SH3RF3: variants seen among roughly 807,000 people sequenced by gnomAD.
SH3RF3 encodes SH3 domain containing ring finger 3, also known as E3 ubiquitin-protein ligase SH3RF3.
In SH3RF3, 29 loss-of-function variants were observed where a neutral mutation model predicts 66.3. That is an observed-to-expected ratio of 0.44 (90% CI 0.33 to 0.60). SH3RF3 has a LOEUF of 0.60. SH3RF3 is among the 20% of genes least tolerant of loss of function. The pLI, the probability that SH3RF3 is intolerant of heterozygous loss-of-function variation, is 0.04. For synonymous variants in SH3RF3, 583 were observed against 532.0 expected, an observed-to-expected ratio of 1.10 and a Z score of -1.32; for missense variants, 1,194 against 1,190.9, an observed-to-expected ratio of 1.00 and a Z score of -0.04.
intron 1 of SH3RF3, among the ~76,000 whole-genome samples, chr2:109,318,499 A>C (rs1681940061): frequency 1.3e-5 from 2 of 152,212 alleles, no homozygotes; most frequent in South Asian, 4.1e-4. Flanking sequence ...ATCATAGCAC[A>C]ATCATTTTGG....
chr2:109,174,508 G>A (rs1677873247), intron 1 of SH3RF3, among the ~76,000 whole-genome samples: 2 of 152,202 alleles, frequency 1.3e-5, no homozygotes, highest in Non-Finnish European at 2.9e-5. Context: ...GCCCAGCCAG[G>A]GCAACGGGCA....
Position 109,502,119 on chromosome 2 carries a change from G to T in SH3RF3, c.*448G>T, listed in dbSNP as rs540839126. The T allele has an allele frequency of 1.8e-5, 3 of 166,356 alleles. No individual in the cohort carries two copies. Among genetic ancestry groups the T allele is most frequent in the African/African-American group, 7.1e-5 (3 of 42,172 alleles). The allele number at this position is 166,356 out of a possible 1,614,324, so 10.3% of individuals were successfully genotyped here. A position where few individuals can be genotyped will look rare whatever the true frequency, so the allele number is the denominator to read the frequency against. On this transcript the variant is annotated 3_prime_UTR_variant, in exon 10 of 10. Transcript: ENST00000309415. The stretch of plus-strand genomic sequence containing the variant: ...GCCCTGGGCTTCCCGCGGGGCCCAG[G>T]TTGCTCTGTCACCATTCTATATACC...
chr2:109,397,926 T>C (rs1477554134), intron 3 of SH3RF3, among the ~76,000 whole-genome samples: 3 of 152,186 alleles, frequency 2.0e-5, no homozygotes, highest in Non-Finnish European at 4.4e-5. Context: ...CAATGGGAGA[T>C]GTGGGAAGGA....
intron 8 of SH3RF3, among the ~76,000 whole-genome samples, chr2:109,470,930 A>G (rs567310546): frequency 6.6e-6 from 1 of 152,332 alleles, no homozygotes; most frequent in Non-Finnish European, 1.5e-5. Context: ...AAGAAATACC[A>G]GAGACTAGGC....
At chr2:109,229,743 T>C (rs898845854) in intron 1 of SH3RF3, among the ~76,000 whole-genome samples, 2 of 152,200 alleles carry the variant, frequency 1.3e-5, no homozygotes, top group African/African-American at 2.4e-5. Context: ...ATTTGTCCTT[T>C]GTGTCTGGCA....
intron 1 of SH3RF3, among the ~76,000 whole-genome samples, chr2:109,336,508 T>C (rs1397519393): frequency 1.3e-5 from 2 of 152,146 alleles, no homozygotes; most frequent in Non-Finnish European, 2.9e-5. Flanking sequence ...GAGGACTCGC[T>C]GTGAGGCCCC....
chr2:109,349,412 C>T (rs1682792762), intron 2 of SH3RF3, among the ~76,000 whole-genome samples: 1 of 152,208 alleles, frequency 6.6e-6, no homozygotes, highest in South Asian at 2.1e-4. Context: ...CTCCCTCCCT[C>T]CCCACTCAGT....
chr2:109,466,953 CTG>C (rs1678366691), intron 8 of SH3RF3, among the ~76,000 whole-genome samples: 1 of 151,848 alleles, frequency 6.6e-6, no homozygotes, highest in South Asian at 2.1e-4. Flanking sequence ...GTCTATATAT[CTG>C]TGTGCATGTG....
At chr2:109,318,070 T>C in intron 1 of SH3RF3, among the ~76,000 whole-genome samples, 1 of 147,458 alleles carries the variant, frequency 6.8e-6, no homozygotes, top group South Asian at 2.1e-4. Flanking sequence ...TCTGTTTTTC[T>C]AAGCCATGAG....
At chr2:109,214,486 A>G (rs1469407013) in intron 1 of SH3RF3, among the ~76,000 whole-genome samples, 1 of 151,132 alleles carries the variant, frequency 6.6e-6, no homozygotes, top group Non-Finnish European at 1.5e-5. Flanking sequence ...AAAAAAAAAA[A>G]GGAGTGGAGC....
chr2:109,362,208 A>C (rs1683062117), intron 2 of SH3RF3, among the ~76,000 whole-genome samples: 2 of 152,080 alleles, frequency 1.3e-5, no homozygotes, highest in Non-Finnish European at 2.9e-5. Flanking sequence ...AGTGCTATAA[A>C]TTTCCCTGTA....
intron 1 of SH3RF3, among the ~76,000 whole-genome samples, chr2:109,331,825 C>G (rs1682293458): frequency 6.6e-6 from 1 of 152,112 alleles, no homozygotes; most frequent in Non-Finnish European, 1.5e-5. Context: ...GTGTTCAGAT[C>G]TTTGCCAGGG....
At chr2:109,364,878 G>A (rs1012224795) in intron 2 of SH3RF3, among the ~76,000 whole-genome samples, 1 of 152,178 alleles carries the variant, frequency 6.6e-6, no homozygotes, top group African/African-American at 2.4e-5. Context: ...ATTACTTGAG[G>A]TCAGGAGTTC....
At position 109,503,303 on chromosome 2, in the gene SH3RF3, C is replaced by T. The variant is rs775062708; in HGVS notation, c.*1632C>T. ...TGTCATTGGTTTTCAGGGATGTAAC[C>T]AATTCCAGAAATACATTCTTTTGCC... On this transcript the variant is annotated 3_prime_UTR_variant, in exon 10 of 10. Coordinates refer to ENST00000309415, the MANE Select transcript of SH3RF3 (RefSeq NM_001099289.3). 6.6e-6 allele frequency: 1 copy of T among 152,116 alleles called. No individual in the cohort carries two copies. The highest frequency in any genetic ancestry group is 2.4e-5 in the African/African-American group (1 of 41,404). 9.4% of individuals were successfully genotyped at this position (152,116 alleles called of 1,614,324 possible). A position where few individuals can be genotyped will look rare whatever the true frequency, so the allele number is the denominator to read the frequency against.
At chr2:109,181,610 C>T (rs975259476) in intron 1 of SH3RF3, among the ~76,000 whole-genome samples, 1 of 152,148 alleles carries the variant, frequency 6.6e-6, no homozygotes, top group Non-Finnish European at 1.5e-5. Context: ...TTTTACCTTC[C>T]CCTCCAGCAT....
intron 7 of SH3RF3, among the ~76,000 whole-genome samples, chr2:109,444,874 A>G (rs1399964289): frequency 2.0e-5 from 3 of 152,362 alleles, no homozygotes; most frequent in African/African-American, 7.2e-5. Context: ...ATCTGAGAGC[A>G]TCTTTGAAAT....
At chr2:109,381,012 G>T (rs1482635227) in intron 3 of SH3RF3, among the ~76,000 whole-genome samples, 1 of 152,242 alleles carries the variant, frequency 6.6e-6, no homozygotes, top group Non-Finnish European at 1.5e-5. Flanking sequence ...GACTACCTGT[G>T]TTGGCTTTAA....
chr2:109,479,369 C>G (rs1022255127), intron 8 of SH3RF3, among the ~76,000 whole-genome samples: 6 of 152,186 alleles, frequency 3.9e-5, no homozygotes, highest in Admixed American at 3.3e-4. Flanking sequence ...TTAGAAAATA[C>G]AATTTGCCAC....
rs546031712 is a variant in SH3RF3 at position 109,232,952 on chromosome 2, AC to A, written c.573+102843del. Among the ~76,000 whole-genome samples, 818 of 152,036 alleles carry A rather than the reference AC, an allele frequency of 5.4e-3. 1 individual carries two copies. The highest frequency in any genetic ancestry group is 7.3e-3 in the Non-Finnish European group (493 of 67,966). Reference sequence around the variant, plus strand: ...ACCACTGAGACAGGAGAGTTCCCTTACCCCTTTGTGAGACTTGCGATAGGGG... The same window carrying A: ...ACCACTGAGACAGGAGAGTTCCCTTACCCTTTGTGAGACTTGCGATAGGGG... On this transcript the variant is annotated intron_variant, in intron 1 of 9. Coordinates refer to ENST00000309415, the MANE Select transcript of SH3RF3 (RefSeq NM_001099289.3).
Sources: gnomAD v4.1 joint callset for allele counts (sites outside exome capture counted in the v4.1 genomes callset) on GRCh38, gnomAD v4.1.1 for gene constraint, MANE v1.5 for transcripts, NCBI Gene and HGNC (gene_info 2026-07-23, HGNC 2026-07-21) for gene names.